Variants in OOEP observed in about 807,000 individuals in gnomAD.
OOEP encodes oocyte expressed protein.
Under a neutral mutation model 13.7 loss-of-function variants are expected in OOEP, and 16 were observed. That is an observed-to-expected ratio of 1.16 (90% confidence interval 0.79 to 1.77). The LOEUF (loss-of-function observed/expected upper bound fraction) is 1.77. Ranked by LOEUF, OOEP falls within the 40% of genes most tolerant of loss-of-function variation. The probability of loss-of-function intolerance (pLI) is 0.00; values close to 1 mark genes in which losing one functional copy is unlikely to be tolerated. For missense variants in OOEP, 195 were observed against 193.1 expected, an observed-to-expected ratio of 1.01 and a Z score of -0.06; for synonymous variants, 89 against 77.1, an observed-to-expected ratio of 1.15 and a Z score of -0.81.
At chr6:73,395,001 G>GGA in exon 1 of OOEP, 1 of 1,614,246 alleles carries the variant, frequency 6.2e-7, no homozygotes, top group Non-Finnish European at 8.5e-7. Context: ...GGAGGCCGGC[G>GGA]GAGGAGTTGA....
intron 2 of OOEP, among the ~76,000 whole-genome samples, chr6:73,393,276 C>A (rs968050959): frequency 7.2e-5 from 11 of 151,958 alleles, no homozygotes; most frequent in African/African-American, 2.7e-4. Context: ...ACCACCACAC[C>A]CGGCAGGGTC....
At chr6:73,386,281 A>G (rs1769271347) in intron 2 of OOEP, among the ~76,000 whole-genome samples, 2 of 151,622 alleles carry the variant, frequency 1.3e-5, no homozygotes, top group South Asian at 4.2e-4. Flanking sequence ...TTTAGTAGAG[A>G]CGGGGTTTCT....
At chr6:73,374,300 A>T (rs1769104488), upstream of OOEP, among the ~76,000 whole-genome samples, 1 of 152,168 alleles carries the variant, frequency 6.6e-6, no homozygotes, top group South Asian at 2.1e-4. Flanking sequence ...GCCTTCATCC[A>T]GTGATGTGGA....
At chr6:73,373,405 T>C, upstream of OOEP, 1 of 827,004 alleles carries the variant, frequency 1.2e-6, no homozygotes, top group South Asian at 1.5e-5. Context: ...GCTCACTGGG[T>C]AGCTGAGGCA....
exon 1 of OOEP, chr6:73,394,999 G>A: frequency 6.2e-7 from 1 of 1,614,278 alleles, no homozygotes; most frequent in Non-Finnish European, 8.5e-7. Flanking sequence ...GAGGAGGCCG[G>A]CGGAGGAGTT....
upstream of OOEP, chr6:73,372,986 C>T (rs1473651792): frequency 4.2e-6 from 3 of 717,456 alleles, no homozygotes; most frequent in Non-Finnish European, 7.0e-6. Flanking sequence ...GTGTTCATAA[C>T]AGATTCAGAG....
intron 2 of OOEP, among the ~76,000 whole-genome samples, chr6:73,375,416 A>G (rs527522612): frequency 2.6e-4 from 39 of 152,060 alleles, no homozygotes; most frequent in African/African-American, 8.9e-4. Context: ...TGTTTCTACA[A>G]AAAAATTAAA....
intron 2 of OOEP, among the ~76,000 whole-genome samples, chr6:73,376,341 G>GTTTTT (rs1562278072): frequency 2.9e-5 from 2 of 67,902 alleles, no homozygotes; most frequent in African/African-American, 1.5e-4. Flanking sequence ...TGGACAAGGG[G>GTTTTT]TTGTTTTTTT....
chr6:73,369,657 G>C lies in OOEP; in HGVS notation c.136C>G (p.Leu46Val). ...AGGTAGAACACCAAAGGGTCTCTCA[G>C]TTCCTGCACCGGAAACCACCAGGGC... Reference protein sequence around the residue: ...IRPWWFPVQELRDPLVFYLEA... With the variant: ...IRPWWFPVQEVRDPLVFYLEA... The change falls in exon 1 of 3, where the codon CTG becomes GTG. Residue 46 changes from leucine to valine, a missense_variant. Transcript: ENST00000370359. 6.2e-7 allele frequency: 1 copy of C among 1,614,052 alleles called. No homozygotes were observed. Among genetic ancestry groups the C allele is most frequent in the African/African-American group, 1.3e-5 (1 of 75,066 alleles).
intron 1 of OOEP, chr6:73,394,662 C>A: frequency 1.7e-6 from 1 of 592,870 alleles, no homozygotes; most frequent in Admixed American, 3.0e-5. Context: ...AGGCACACTC[C>A]CACGGTTCAG....
chr6:73,390,299 C>CT (rs1010122006), intron 2 of OOEP, among the ~76,000 whole-genome samples: 5 of 152,130 alleles, frequency 3.3e-5, no homozygotes, highest in Admixed American at 3.3e-4. Flanking sequence ...TAGACTTTAT[C>CT]TTTTAGAACA....
At chr6:73,370,297 C>T (rs2150778637), upstream of OOEP, among the ~76,000 whole-genome samples, 1 of 152,256 alleles carries the variant, frequency 6.6e-6, no homozygotes, top group South Asian at 2.1e-4. Flanking sequence ...TCTTCTGACT[C>T]TCCGGATGGT....
rs1241580118 is a variant in OOEP at position 73,379,173 on chromosome 6, C to T, written c.26-9788G>A. On this transcript the variant is annotated intron_variant, in intron 2 of 3. Transcript: ENST00000370363. ...CTGAGTAGCTGGGATTACAGGCGTGCGCCACCACGTCCAGCTAATTTTTAT... is the reference window on the plus strand; with the variant it reads ...CTGAGTAGCTGGGATTACAGGCGTGTGCCACCACGTCCAGCTAATTTTTAT... Among the ~76,000 whole-genome samples, 6 of 151,448 alleles carry T rather than the reference C, an allele frequency of 4.0e-5. No homozygotes were observed. In the East Asian group the frequency reaches 6.0e-4, roughly 15 times the overall value.
intron 2 of OOEP, among the ~76,000 whole-genome samples, chr6:73,377,420 G>A (rs549464131): frequency 6.0e-5 from 3 of 49,714 alleles, no homozygotes; most frequent in Non-Finnish European, 1.0e-4. Flanking sequence ...TAAACAACCT[G>A]CTCATGCATG....
At chr6:73,371,978 C>T (rs544274934), upstream of OOEP, among the ~76,000 whole-genome samples, 65 of 152,010 alleles carry the variant, frequency 4.3e-4, no homozygotes, top group Admixed American at 1.3e-4. Flanking sequence ...TATTGTGGCT[C>T]GTGCCTGTAA....
chr6:73,372,553 C>G (rs1017642919), upstream of OOEP, among the ~76,000 whole-genome samples: 1 of 151,982 alleles, frequency 6.6e-6, no homozygotes, highest in Admixed American at 6.6e-5. Flanking sequence ...TTGGGGAGAC[C>G]GATAGGCCTT....
At chr6:73,378,239 A>T (rs6926977) in intron 2 of OOEP, among the ~76,000 whole-genome samples, 18,687 of 151,870 alleles carry the variant, frequency 0.12, 1,243 homozygotes, top group Middle Eastern at 0.2. Flanking sequence ...AGTAGCTGGG[A>T]TGACAGGTGT....
upstream of OOEP, among the ~76,000 whole-genome samples, chr6:73,372,504 G>C (rs139347766): frequency 2.0e-5 from 3 of 152,280 alleles, no homozygotes; most frequent in East Asian, 5.8e-4. Flanking sequence ...TGAGAGGCCA[G>C]AATCTGATTC....
upstream of OOEP, chr6:73,369,912 C>T (rs1769022005): frequency 1.0e-5 from 9 of 867,812 alleles, no homozygotes; most frequent in South Asian, 3.3e-5. Flanking sequence ...CTTCCGGCGG[C>T]GCCTCGCACC....
Sources: gnomAD v4.1 joint callset for allele counts (sites outside exome capture counted in the v4.1 genomes callset) on GRCh38, gnomAD v4.1.1 for gene constraint, MANE v1.5 for transcripts, NCBI Gene and HGNC (gene_info 2026-07-23, HGNC 2026-07-21) for gene names.